Variants in ANXA4 observed in about 807,000 individuals in gnomAD.
The protein encoded by ANXA4 is annexin A4.
A neutral mutation model predicts 49.8 loss-of-function variants in ANXA4; 39 were observed. That is an observed-to-expected ratio of 0.78 (90% CI 0.61 to 1.02). ANXA4 has a LOEUF of 1.02. ANXA4 is among the 50% of genes least tolerant of loss of function. The probability of loss-of-function intolerance (pLI) is 0.00; values close to 1 mark genes in which losing one functional copy is unlikely to be tolerated. For synonymous variants in ANXA4, 134 were observed against 152.5 expected (o/e 0.88, Z 0.89); for missense variants, 360 against 410.1 (o/e 0.88, Z 1.05).
In ANXA4 at chr2:69,668,937, CT is replaced by C. The variant is rs113566887; in HGVS notation, n.766+15668del. On this transcript the variant is annotated intron_variant and non_coding_transcript_variant, in intron 2 of 3. Transcript: ENST00000418066. ...TACTTTATTTCCATTCCTTTTGAGC[CT>C]TTTTTTTTTTTTCTTGAAGGCAGAG... Among the ~76,000 whole-genome samples the C allele has an allele frequency of 4.3e-3, 609 of 142,592 alleles. 2 individuals carry two copies. The highest frequency in any genetic ancestry group is 7.7e-3 in the African/African-American group (302 of 39,204). The allele number at this position is 142,592 out of a possible 152,430, so 93.5% of individuals were successfully genotyped here. A position where few individuals can be genotyped will look rare whatever the true frequency, so the allele number is the denominator to read the frequency against.
intron 3 of ANXA4, among the ~76,000 whole-genome samples, chr2:69,729,628 A>G (rs1670045615): frequency 1.3e-5 from 2 of 152,216 alleles, no homozygotes; most frequent in African/African-American, 4.8e-5. Flanking sequence ...AAATGTCCAC[A>G]ATGCTATTCT....
chr2:69,712,012 G>C (rs1363800905), intron 2 of ANXA4, among the ~76,000 whole-genome samples: 2 of 152,048 alleles, frequency 1.3e-5, no homozygotes, highest in African/African-American at 4.8e-5. Flanking sequence ...TGCCTATTTT[G>C]TCTCAATTTA....
chr2:69,712,838 A>T (rs759658236), intron 2 of ANXA4, among the ~76,000 whole-genome samples: 1 of 152,160 alleles, frequency 6.6e-6, no homozygotes, highest in African/African-American at 2.4e-5. Flanking sequence ...AGTTGTGAAG[A>T]TATCACCTAA....
intron 1 of ANXA4, among the ~76,000 whole-genome samples, chr2:69,779,023 G>A (rs972303062): frequency 5.7e-5 from 8 of 140,792 alleles, no homozygotes; most frequent in Admixed American, 3.0e-4. Flanking sequence ...CAGAAGACTC[G>A]CTTGAACCTG....
intron 1 of ANXA4, among the ~76,000 whole-genome samples, chr2:69,775,594 T>C (rs1410968802): frequency 6.6e-6 from 1 of 152,202 alleles, no homozygotes; most frequent in African/African-American, 2.4e-5. Flanking sequence ...AGAAACAGAC[T>C]GCTATCGGAG....
chr2:69,745,442 C>T (rs947823966), intron 1 of ANXA4, among the ~76,000 whole-genome samples: 5 of 152,180 alleles, frequency 3.3e-5, no homozygotes, highest in Non-Finnish European at 7.3e-5. Context: ...ACCCAGGAAG[C>T]TTGTACAATA....
In ANXA4 at chr2:69,762,857, ACT is replaced by A. The variant is rs1243219363; in HGVS notation, c.-46-18661_-46-18660del. On this transcript the variant is annotated intron_variant, in intron 1 of 12. Transcript: ENST00000394295. The stretch of plus-strand genomic sequence containing the variant: ...TCCCTATTGTCTCATAAACACACAC[ACT>A]CACTCACACACTCACACACACTCAT... Among the ~76,000 whole-genome samples the A allele has an allele frequency of 5.4e-5, 5 of 92,392 alleles. No homozygotes were observed. The East Asian group carries it at 2.9e-3, about 53-fold the overall frequency. 60.6% of individuals were successfully genotyped at this position (92,392 alleles called of 152,430 possible).
upstream of ANXA4, chr2:69,741,942 G>C (rs1670410488): frequency 6.6e-6 from 1 of 152,356 alleles, no homozygotes; most frequent in Non-Finnish European, 1.5e-5. Flanking sequence ...GGACCCGCCG[G>C]GGGTCGAGGC....
At chr2:69,799,978 T>A (rs1395435728) in intron 3 of ANXA4, among the ~76,000 whole-genome samples, 1 of 152,250 alleles carries the variant, frequency 6.6e-6, no homozygotes, top group Non-Finnish European at 1.5e-5. Context: ...GTTATCTGTT[T>A]TAATCCTGAC....
intron 6 of ANXA4, 87 bp from the exon 7 acceptor site, chr2:69,810,507 T>A: frequency 9.0e-7 from 1 of 1,110,968 alleles, no homozygotes; most frequent in Non-Finnish European, 1.4e-6. Context: ...AGCAGGCTGG[T>A]CTTGAGGGGA....
At chr2:69,805,178 C>G (rs1673390884) in intron 4 of ANXA4, among the ~76,000 whole-genome samples, 1 of 151,634 alleles carries the variant, frequency 6.6e-6, no homozygotes, top group Non-Finnish European at 1.5e-5. Flanking sequence ...GAATTTGGTC[C>G]ATTTTCCAAA....
At chr2:69,723,933 C>G (rs778455116) in intron 3 of ANXA4, among the ~76,000 whole-genome samples, 4 of 152,192 alleles carry the variant, frequency 2.6e-5, no homozygotes, top group Non-Finnish European at 4.4e-5. Context: ...CTTTCAAAAC[C>G]TAGGCCCGAA....
At chr2:69,688,972 C>T (rs1440654762) in intron 2 of ANXA4, among the ~76,000 whole-genome samples, 1 of 152,216 alleles carries the variant, frequency 6.6e-6, no homozygotes, top group African/African-American at 2.4e-5. Flanking sequence ...CTAGGTTGAT[C>T]ATAGTTTCTG....
At chr2:69,819,992 C>CAGGAGGCAG (rs1380479034) in intron 11 of ANXA4, among the ~76,000 whole-genome samples, 1 of 151,404 alleles carries the variant, frequency 6.6e-6, no homozygotes, top group Non-Finnish European at 1.5e-5. Context: ...CACTGGAACC[C>CAGGAGGCAG]AGGAGGCAGA....
chr2:69,812,902 T>A (rs41285959), intron 8 of ANXA4, among the ~76,000 whole-genome samples, 193 bp downstream of exon 8: 3,349 of 152,324 alleles, frequency 0.022, 53 homozygotes, highest in Non-Finnish European at 0.036. Context: ...CATCATTATA[T>A]AAGCACTCCT....
chr2:69,814,397 G>T (rs1407750801), intron 8 of ANXA4, among the ~76,000 whole-genome samples: 1 of 121,404 alleles, frequency 8.2e-6, no homozygotes, highest in Non-Finnish European at 1.6e-5. Flanking sequence ...CCAGGCTGTT[G>T]TGCAGTGGCA....
chr2:69,823,494 G>C (rs1274615622), intron 12 of ANXA4, among the ~76,000 whole-genome samples: 2 of 151,896 alleles, frequency 1.3e-5, no homozygotes, highest in Non-Finnish European at 2.9e-5. Context: ...AAAATACAGT[G>C]ACATGTAAAA....
chr2:69,721,537 A>G (rs1669810673), intron 3 of ANXA4, among the ~76,000 whole-genome samples: 1 of 152,026 alleles, frequency 6.6e-6, no homozygotes, highest in Non-Finnish European at 1.5e-5. Context: ...TGTCTCTACA[A>G]AAAAAATTGA....
At chr2:69,806,536 T>C in intron 5 of ANXA4, 38 bp downstream of exon 5, 1 of 1,524,112 alleles carries the variant, frequency 6.6e-7, no homozygotes, top group Non-Finnish European at 9.1e-7. Context: ...GTGCTGTTGG[T>C]GCAAACGCTG....
Sources: allele counts gnomAD v4.1 joint callset (sites outside exome capture counted in the v4.1 genomes callset), GRCh38; gene constraint gnomAD v4.1.1; transcripts MANE v1.5; gene names NCBI Gene and HGNC (gene_info 2026-07-23, HGNC 2026-07-21).